The following LPP variants were observed in gnomAD, a reference collection of about 807,000 sequenced individuals.
LPP encodes the protein LIM domain containing preferred translocation partner in lipoma, also known as lipoma-preferred partner.
LPP carries 38 observed loss-of-function variants against 60.4 expected under a neutral mutation model. The ratio of observed to expected loss-of-function variants is 0.63; its 90% CI spans 0.49 to 0.83. LPP has a LOEUF of 0.83. Ranked by LOEUF, LPP falls within the 40% of genes least tolerant of loss-of-function variation. The pLI, the probability that LPP is intolerant of heterozygous loss-of-function variation, is 0.00. For missense variants in LPP, 902 were observed against 783.6 expected (o/e 1.15, Z -1.80); for synonymous variants, 328 against 290.8 (o/e 1.13, Z -1.30).
intron 9 of LPP, among the ~76,000 whole-genome samples, chr3:188,779,959 A>G (rs1739115558): frequency 6.6e-6 from 1 of 152,058 alleles, no homozygotes; most frequent in African/African-American, 2.4e-5. Flanking sequence ...ATTTAAATAT[A>G]TATATATATG....
At chr3:188,439,340 T>G (rs767630506) in intron 4 of LPP, among the ~76,000 whole-genome samples, 5 of 152,250 alleles carry the variant, frequency 3.3e-5, no homozygotes, top group Non-Finnish European at 7.4e-5. Context: ...CAGCGACTTC[T>G]GCAAATGAGT....
At chr3:188,562,579 T>G (rs958539485) in intron 6 of LPP, 5 of 152,026 alleles carry the variant, frequency 3.3e-5, no homozygotes, top group Non-Finnish European at 5.9e-5. Context: ...ACCTGATAAT[T>G]GTAAAAACTG....
chr3:188,609,851 A>C lies in LPP; in HGVS notation c.1113+7A>C. ...GCCACCATTGCAGCCAAAGGTAAGA[A>C]ACTCAGTAACATAAGGAGGAGAATA... On this transcript the variant is annotated splice_region_variant and intron_variant, in intron 7 of 11. Transcript: ENST00000617246. The surrounding 1 kb of genome is among the most constrained non-coding windows in gnomAD (Gnocchi z 6.9). The C allele has an allele frequency of 1.9e-6, 3 of 1,603,848 alleles. No homozygotes were observed. Among genetic ancestry groups the C allele is most frequent in the Non-Finnish European group, 2.6e-6 (3 of 1,175,664 alleles).
At chr3:188,163,019 C>T (rs900646137) in intron 1 of LPP, among the ~76,000 whole-genome samples, 1 of 152,188 alleles carries the variant, frequency 6.6e-6, no homozygotes, top group African/African-American at 2.4e-5. Context: ...ATGAGTGCCA[C>T]AGACATTCAC....
At chr3:188,463,518 T>C (rs1230717454) in intron 4 of LPP, among the ~76,000 whole-genome samples, 1 of 152,224 alleles carries the variant, frequency 6.6e-6, no homozygotes, top group African/African-American at 2.4e-5. Flanking sequence ...TCTTCATTAA[T>C]GTCGTCTTAT....
chr3:188,361,868 C>T (rs1769529927), intron 3 of LPP, among the ~76,000 whole-genome samples: 1 of 152,122 alleles, frequency 6.6e-6, no homozygotes, highest in Non-Finnish European at 1.5e-5. Context: ...GTGCCTAGCC[C>T]CTCTAGGTTT....
chr3:188,500,251 A>G (rs558397156), intron 5 of LPP, among the ~76,000 whole-genome samples: 2 of 152,158 alleles, frequency 1.3e-5, no homozygotes, highest in East Asian at 1.9e-4. Flanking sequence ...GGCTTTTGCT[A>G]TGTTGAGATA....
chr3:188,831,335 C>A (rs1242643226), intron 9 of LPP, among the ~76,000 whole-genome samples: 6 of 152,174 alleles, frequency 3.9e-5, no homozygotes, highest in Non-Finnish European at 7.3e-5. Context: ...AGCACTGGGG[C>A]TCAAAGGGTT....
intron 3 of LPP, among the ~76,000 whole-genome samples, chr3:188,400,863 AT>A (rs1215286043): frequency 6.6e-6 from 1 of 152,122 alleles, no homozygotes; most frequent in Non-Finnish European, 1.5e-5. Flanking sequence ...ACCACTGCTT[AT>A]TTTTGTGTTT....
At chr3:188,735,516 G>A (rs1381421374) in intron 8 of LPP, among the ~76,000 whole-genome samples, 2 of 151,748 alleles carry the variant, frequency 1.3e-5, no homozygotes, top group Admixed American at 1.3e-4. Context: ...CGAGTAGCTG[G>A]GATTACAGGA....
In LPP at chr3:188,256,915, T is replaced by A. The variant is rs371008429; in HGVS notation, c.-67+31388T>A. On this transcript the variant is annotated intron_variant, in intron 2 of 11. Coordinates refer to ENST00000617246, the MANE Select transcript of LPP (RefSeq NM_001375462.1). Reference sequence around the variant, plus strand: ...TCTAACTGGAATAGGCCTCTCACATTTATCTCCTATTAATTTGCAGATTGT... The same window carrying A: ...TCTAACTGGAATAGGCCTCTCACATATATCTCCTATTAATTTGCAGATTGT... 1.9e-3 allele frequency among the ~76,000 whole-genome samples: 296 copies of A among 152,322 alleles called. 18 individuals carry two copies. In the South Asian group the frequency reaches 0.058, roughly 30 times the overall value.
At chr3:188,718,369 G>A (rs1276287052) in intron 8 of LPP, among the ~76,000 whole-genome samples, 3 of 152,030 alleles carry the variant, frequency 2.0e-5, no homozygotes, top group African/African-American at 7.2e-5. Flanking sequence ...ACATAGGTCG[G>A]GCCTGCTACT....
At chr3:188,565,783 A>G (rs1429267394) in intron 6 of LPP, among the ~76,000 whole-genome samples, 1 of 152,058 alleles carries the variant, frequency 6.6e-6, no homozygotes, top group Non-Finnish European at 1.5e-5. Context: ...TGATAACTTC[A>G]GAGAGACTTT....
intron 5 of LPP, among the ~76,000 whole-genome samples, chr3:188,515,192 C>T (rs1816990480): frequency 1.3e-5 from 2 of 152,178 alleles, no homozygotes; most frequent in Middle Eastern, 3.4e-3. Flanking sequence ...AGGTGAATCT[C>T]TTATGGGGGT....
chr3:188,320,310 A>G (rs1322541950), intron 2 of LPP, among the ~76,000 whole-genome samples: 2 of 152,240 alleles, frequency 1.3e-5, no homozygotes, highest in African/African-American at 4.8e-5. Flanking sequence ...CCCAAATCAC[A>G]TGGACCTCAA....
chr3:188,329,408 G>A (rs992159904), intron 2 of LPP, among the ~76,000 whole-genome samples: 12 of 152,126 alleles, frequency 7.9e-5, no homozygotes, highest in African/African-American at 2.9e-4. Context: ...TGAAATGCTT[G>A]GGATCAAAAG....
chr3:188,694,733 C>G (rs1449282564), intron 7 of LPP, among the ~76,000 whole-genome samples: 1 of 151,890 alleles, frequency 6.6e-6, no homozygotes, highest in African/African-American at 2.4e-5. Flanking sequence ...AAAAAACAAC[C>G]ATGTCTCTCA....
chr3:188,727,609 G>A (rs1718903758), intron 8 of LPP, among the ~76,000 whole-genome samples: 1 of 152,148 alleles, frequency 6.6e-6, no homozygotes, highest in Non-Finnish European at 1.5e-5. Flanking sequence ...AACCTTGAAA[G>A]ACAGGGACAC....
intron 2 of LPP, among the ~76,000 whole-genome samples, chr3:188,227,478 A>G (rs960816884): frequency 5.3e-5 from 8 of 152,018 alleles, no homozygotes; most frequent in Admixed American, 1.3e-4. Context: ...ATGAGCCAAC[A>G]GTGGCTTTTG....
Sources: allele counts gnomAD v4.1 joint callset (sites outside exome capture counted in the v4.1 genomes callset), GRCh38; gene constraint gnomAD v4.1.1; non-coding constraint Gnocchi (gnomAD v3.1); transcripts MANE v1.5; gene names NCBI Gene and HGNC (gene_info 2026-07-23, HGNC 2026-07-21).